CCM2: variants seen among roughly 807,000 people sequenced by gnomAD.
The protein encoded by CCM2 is cerebral cavernous malformations 2 protein.
A neutral mutation model predicts 44.9 loss-of-function variants in CCM2; 25 were observed. The ratio of observed to expected loss-of-function variants is 0.56; its 90% confidence interval spans 0.41 to 0.78. The LOEUF (loss-of-function observed/expected upper bound fraction) is 0.78, where lower values mean the gene tolerates loss of function less well. Ranked by LOEUF, CCM2 falls within the 30% of genes least tolerant of loss-of-function variation. The pLI is 0.00. For synonymous variants in CCM2, 219 were observed against 241.1 expected, an observed-to-expected ratio of 0.91 and a Z score of 0.85; for missense variants, 481 against 580.6, an observed-to-expected ratio of 0.83 and a Z score of 1.76.
rs1327621114 is a variant in CCM2 at position 45,000,370 on chromosome 7, G to A, written c.30+7G>A. On this transcript the variant is annotated splice_region_variant and intron_variant, in intron 1 of 9. Transcript: ENST00000258781. The stretch of plus-strand genomic sequence containing the variant: ...GGGCAAGAAGGGCAAGAAGGTGAGC[G>A]TGCGCGGGGGCGTCCTACTGCTGTG... 15 of 1,300,090 alleles carry A rather than the reference G, an allele frequency of 1.2e-5. No individual in the cohort carries two copies. The East Asian group carries it at 4.7e-4, about 41-fold the overall frequency. The allele number at this position is 1,300,090 out of a possible 1,614,324, so 80.5% of individuals were successfully genotyped here. A position where few individuals can be genotyped will look rare whatever the true frequency, so the allele number is the denominator to read the frequency against.
intron 2 of CCM2, among the ~76,000 whole-genome samples, chr7:45,055,681 C>T (rs1232890541): frequency 6.6e-6 from 1 of 152,050 alleles, no homozygotes; most frequent in African/African-American, 2.4e-5. Context: ...GAGCGAGACT[C>T]CATCTCAAAA....
At chr7:45,018,659 T>A (rs918224972) in intron 1 of CCM2, among the ~76,000 whole-genome samples, 2 of 152,182 alleles carry the variant, frequency 1.3e-5, no homozygotes, top group Non-Finnish European at 2.9e-5. Context: ...TTTGGCATTT[T>A]AAAGATGAAG....
chr7:45,027,931 T>C, intron 1 of CCM2: 1 of 906,034 alleles, frequency 1.1e-6, no homozygotes, highest in Non-Finnish European at 1.8e-6. Flanking sequence ...TGACCCCTGC[T>C]TTGGGAGGAT....
chr7:45,012,403 G>A (rs1266255378), intron 1 of CCM2, among the ~76,000 whole-genome samples: 1 of 151,952 alleles, frequency 6.6e-6, no homozygotes, highest in Admixed American at 6.6e-5. Flanking sequence ...CAAAGTGCTG[G>A]GATTACAGGT....
chr7:45,021,815 G>A (rs557731251), intron 1 of CCM2, among the ~76,000 whole-genome samples: 33 of 152,120 alleles, frequency 2.2e-4, no homozygotes, highest in Non-Finnish European at 4.1e-4. Flanking sequence ...CTGTTGCCTT[G>A]CGTGGCTGTG....
chr7:45,002,290 T>A (rs1272737622), intron 1 of CCM2, among the ~76,000 whole-genome samples: 1 of 152,250 alleles, frequency 6.6e-6, no homozygotes, highest in Non-Finnish European at 1.5e-5. Flanking sequence ...AATGCAGAAT[T>A]AGGCTGGGTA....
intron 2 of CCM2, among the ~76,000 whole-genome samples, chr7:45,050,212 G>A (rs929564395): frequency 6.6e-6 from 1 of 152,216 alleles, no homozygotes; most frequent in African/African-American, 2.4e-5. Flanking sequence ...ATGCTGTACA[G>A]GTTGTAGCCT....
At chr7:45,044,259 G>T (rs1222217827) in intron 2 of CCM2, among the ~76,000 whole-genome samples, 1 of 152,174 alleles carries the variant, frequency 6.6e-6, no homozygotes, top group Admixed American at 6.6e-5. Context: ...TCAGCCTCCC[G>T]AGTGGCTGGG....
At chr7:45,051,606 A>G (rs998347047) in intron 2 of CCM2, among the ~76,000 whole-genome samples, 2 of 146,728 alleles carry the variant, frequency 1.4e-5, no homozygotes, top group African/African-American at 5.1e-5. Flanking sequence ...TCTGTCTCCC[A>G]GGCTGTAGTG....
intron 2 of CCM2, among the ~76,000 whole-genome samples, chr7:45,060,391 G>T (rs1273419139): frequency 6.6e-6 from 1 of 152,100 alleles, no homozygotes; most frequent in East Asian, 1.9e-4. Flanking sequence ...TTTTGTCTTT[G>T]ATTTCTGCAG....
At chr7:45,011,724 G>C (rs1042152908) in intron 1 of CCM2, among the ~76,000 whole-genome samples, 1 of 151,928 alleles carries the variant, frequency 6.6e-6, no homozygotes, top group Non-Finnish European at 1.5e-5. Context: ...GCTAATTTTT[G>C]TATTTTTAGT....
At chr7:45,073,169 A>C (rs893114675) in intron 7 of CCM2, 10 of 574,082 alleles carry the variant, frequency 1.7e-5, no homozygotes, top group Non-Finnish European at 3.1e-5. Flanking sequence ...CCACCTCCCC[A>C]ACCCTGGCTC....
intron 2 of CCM2, among the ~76,000 whole-genome samples, chr7:45,056,631 A>C (rs1380288577): frequency 6.7e-6 from 1 of 149,256 alleles, no homozygotes; most frequent in African/African-American, 2.6e-5. Flanking sequence ...GTGTATCTTT[A>C]GAGAAATGTC....
intron 6 of CCM2, chr7:45,070,610 A>G (rs1799021394): frequency 2.8e-6 from 1 of 353,944 alleles, no homozygotes; most frequent in Non-Finnish European, 5.8e-6. Context: ...TTTCAGATGT[A>G]TTACTTATTG....
intron 1 of CCM2, among the ~76,000 whole-genome samples, chr7:45,017,825 T>G (rs1796326041): frequency 6.6e-6 from 1 of 152,162 alleles, no homozygotes; most frequent in Non-Finnish European, 1.5e-5. Flanking sequence ...GTTCAGTCAG[T>G]TGGAGTGCTT....
Position 45,064,611 on chromosome 7 carries a change from G to T in CCM2, c.437G>T (p.Arg146Leu). The change falls in exon 4 of 10, where the codon CGG becomes CTG. Residue 146 changes from arginine (R) to leucine (L), a missense_variant. Coordinates refer to ENST00000258781, the MANE Select transcript of CCM2 (RefSeq NM_031443.4). ...IHDIAAVSYVRDDAAHLVVLK... is the reference protein window; with the variant it reads ...IHDIAAVSYVLDDAAHLVVLK... ...GACATCGCCGCCGTCTCCTATGTTC[G>T]GGATGACGCTGCACACCTGGTGGTC... 1 of 1,613,942 alleles carries T rather than the reference G, an allele frequency of 6.2e-7. No homozygotes were observed. Among genetic ancestry groups the T allele is most frequent in the Non-Finnish European group, 8.5e-7 (1 of 1,180,022 alleles).
intron 1 of CCM2, among the ~76,000 whole-genome samples, chr7:45,020,863 C>T (rs996181434): frequency 2.1e-5 from 3 of 143,020 alleles, no homozygotes; most frequent in African/African-American, 7.9e-5. Flanking sequence ...TGTTATTAGT[C>T]TTTCACGTTG....
chr7:45,068,682 G>T, intron 5 of CCM2, 103 bp downstream of exon 5: 1 of 1,457,562 alleles, frequency 6.9e-7, no homozygotes, highest in Non-Finnish European at 9.5e-7. Flanking sequence ...GGCACTGCTG[G>T]GTGCCCCAGC....
At chr7:45,037,665 G>T (rs1327019060) in intron 1 of CCM2, among the ~76,000 whole-genome samples, 2 of 152,002 alleles carry the variant, frequency 1.3e-5, no homozygotes, top group Non-Finnish European at 2.9e-5. Flanking sequence ...TGATGTACCC[G>T]CCTCAGCCTC....
Sources: allele counts gnomAD v4.1 joint callset (sites outside exome capture counted in the v4.1 genomes callset), GRCh38; gene constraint gnomAD v4.1.1; transcripts MANE v1.5; gene names NCBI Gene and HGNC (gene_info 2026-07-23, HGNC 2026-07-21).